The following THSD4 variants were observed in gnomAD, a reference collection of about 807,000 sequenced individuals.
THSD4 encodes thrombospondin type-1 domain-containing protein 4.
A neutral mutation model predicts 119.0 loss-of-function variants in THSD4; 69 were observed. The observed-to-expected ratio is 0.58, with a 90% confidence interval of 0.48 to 0.71. The LOEUF is 0.71. Ranked by LOEUF, THSD4 falls within the 30% of genes least tolerant of loss-of-function variation. The pLI, the probability that THSD4 is intolerant of heterozygous loss-of-function variation, is 0.00. For synonymous variants in THSD4, 524 were observed against 540.4 expected (o/e 0.97, Z 0.42); for missense variants, 1,393 against 1,391.1 (o/e 1.00, Z -0.02).
intron 3 of THSD4, among the ~76,000 whole-genome samples, chr15:71,206,620 G>A (rs552177592): frequency 2.6e-5 from 4 of 152,318 alleles, no homozygotes; most frequent in African/African-American, 7.2e-5. Flanking sequence ...TTTGTAGAAA[G>A]AGAATTAGAA....
intron 7 of THSD4, among the ~76,000 whole-genome samples, chr15:71,580,633 C>T (rs1352832168): frequency 6.6e-6 from 1 of 152,126 alleles, no homozygotes; most frequent in African/African-American, 2.4e-5. Flanking sequence ...ACCTCCACAT[C>T]TCTCCAACAT....
intron 4 of THSD4, among the ~76,000 whole-genome samples, chr15:71,239,482 A>G (rs1423886415): frequency 6.6e-6 from 1 of 152,148 alleles, no homozygotes; most frequent in Admixed American, 6.5e-5. Context: ...AGCTGGCCTC[A>G]GGGTCCATGT....
intron 8 of THSD4, among the ~76,000 whole-genome samples, chr15:71,710,596 C>T (rs2052491029): frequency 6.6e-6 from 1 of 152,192 alleles, no homozygotes; most frequent in Non-Finnish European, 1.5e-5. Context: ...AGACCCACCT[C>T]ATCTGGCTCA....
chr15:71,389,810 G>GTTTTTTTTTGTTT (rs2046349010), intron 6 of THSD4, among the ~76,000 whole-genome samples: 3 of 88,024 alleles, frequency 3.4e-5, no homozygotes, highest in Admixed American at 1.4e-4. Context: ...TTTCTGGGTT[G>GTTTTTTTTTGTTT]TTTTTTTTTT....
chr15:71,648,431 A>G (rs2051015423), intron 7 of THSD4, among the ~76,000 whole-genome samples: 1 of 152,156 alleles, frequency 6.6e-6, no homozygotes, highest in African/African-American at 2.4e-5. Flanking sequence ...TCTGTTTCTA[A>G]AATGAAAATA....
At chr15:71,190,870 C>A (rs893806611) in intron 3 of THSD4, among the ~76,000 whole-genome samples, 1 of 152,050 alleles carries the variant, frequency 6.6e-6, no homozygotes, top group African/African-American at 2.4e-5. Flanking sequence ...ACAGAGACTC[C>A]CCAACTCTCA....
chr15:71,599,861 C>T lies in THSD4; in HGVS notation c.1153-60669C>T, dbSNP rs115268078. ...AGCCGCATAAAGCCCCAATGTCTTC[C>T]CCACAATGCCCCCCAGTATGGGAAG... On this transcript the variant is annotated intron_variant, in intron 7 of 17. Coordinates refer to ENST00000261862, the MANE Select transcript of THSD4 (RefSeq NM_024817.3). Among the ~76,000 whole-genome samples, 1,179 of 152,276 alleles carry T rather than the reference C, an allele frequency of 7.7e-3. 16 individuals are homozygous for T. The highest frequency in any genetic ancestry group is 0.025 in the African/African-American group (1,038 of 41,550).
chr15:71,757,630 A>T, intron 14 of THSD4, among the ~76,000 whole-genome samples: 1 of 138,138 alleles, frequency 7.2e-6, no homozygotes, highest in Admixed American at 7.4e-5. Flanking sequence ...AAAGCTGGGA[A>T]GGATAGTCTA....
At chr15:71,396,177 TACAC>T (rs1214768333) in intron 6 of THSD4, among the ~76,000 whole-genome samples, 3 of 152,056 alleles carry the variant, frequency 2.0e-5, no homozygotes, top group East Asian at 1.9e-4. Flanking sequence ...TGTATATACA[TACAC>T]ACATATGCCC....
chr15:71,759,899 G>A (rs982949366), intron 15 of THSD4, among the ~76,000 whole-genome samples: 5 of 152,114 alleles, frequency 3.3e-5, no homozygotes, highest in African/African-American at 1.2e-4. Flanking sequence ...TTGTCCAAAA[G>A]GGTCAAGATA....
chr15:71,173,899 A>G (rs578114854), intron 3 of THSD4, among the ~76,000 whole-genome samples: 1 of 152,300 alleles, frequency 6.6e-6, no homozygotes, highest in South Asian at 2.1e-4. Flanking sequence ...TGCCAAGACC[A>G]TTCGATGGGA....
In THSD4 at chr15:71,737,968, C is replaced by T. The variant is rs749336790; in HGVS notation, c.1867C>T (p.Gln623Ter). 2.5e-6 allele frequency: 4 copies of T among 1,613,846 alleles called. No homozygotes were observed. In the South Asian group the frequency reaches 4.4e-5, roughly 18 times the overall value. ...GCGCAGCCGGGATCACAACTGGAAG[C>T]AGCTTGGGACAACAGAATGTTCCAC... ...PRRSRDHNWK[Q>*]LGTTECSTTC... The change falls in exon 11 of 18, where the codon CAG (glutamine) becomes TAG (stop). Residue 623 changes from glutamine (Q) to a stop codon, truncating the protein, a stop_gained. Coordinates refer to ENST00000261862, the MANE Select transcript of THSD4 (RefSeq NM_024817.3). LOFTEE classifies it high-confidence loss of function.
intron 1 of THSD4, among the ~76,000 whole-genome samples, chr15:71,108,120 T>C (rs1380059305): frequency 1.3e-5 from 2 of 152,192 alleles, no homozygotes; most frequent in Admixed American, 1.3e-4. Flanking sequence ...TAGGTGCAGC[T>C]CTTTACAATG....
chr15:71,528,550 TC>T (rs1422910918), intron 7 of THSD4, among the ~76,000 whole-genome samples: 1 of 152,176 alleles, frequency 6.6e-6, no homozygotes, highest in East Asian at 1.9e-4. Flanking sequence ...ATAAAATTTC[TC>T]CCCCGTGGTT....
chr15:71,207,908 T>A (rs564150856), intron 3 of THSD4, among the ~76,000 whole-genome samples: 1 of 152,298 alleles, frequency 6.6e-6, no homozygotes, highest in African/African-American at 2.4e-5. Context: ...CATTTAGGGT[T>A]CTTTACTGCA....
chr15:71,748,566 G>A lies in THSD4; in HGVS notation c.2387G>A (p.Ser796Asn). Residue 796 changes from serine to asparagine, a missense_variant, in exon 14 of 18, where the codon AGC becomes AAC. By Grantham distance (46) the Ser-to-Asn change is conservative (BLOSUM62 1). Transcript: ENST00000261862. ...TGCGACATGGGACCCTGTGCCAAGA[G>A]CTGGTTCCTCACCGAGTGGAGCGAA... Reference protein sequence around the residue: ...ENCDMGPCAKSWFLTEWSERC... With the variant: ...ENCDMGPCAKNWFLTEWSERC... The A allele has an allele frequency of 1.9e-6, 3 of 1,614,222 alleles. No homozygotes were observed. Among genetic ancestry groups the A allele is most frequent in the Non-Finnish European group, 2.5e-6 (3 of 1,180,046 alleles).
intron 10 of THSD4, chr15:71,732,686 A>G (rs2053004298): frequency 6.6e-6 from 1 of 152,152 alleles, no homozygotes; most frequent in Non-Finnish European, 1.5e-5. Flanking sequence ...AGAGTAAGGA[A>G]ATGGAAGCTT....
chr15:71,556,178 T>C (rs2049013044), intron 7 of THSD4, among the ~76,000 whole-genome samples: 1 of 152,218 alleles, frequency 6.6e-6, no homozygotes, highest in Admixed American at 6.5e-5. Context: ...TGAAAAATCA[T>C]TTAAGAATTT....
In THSD4 at chr15:71,215,110, T is replaced by C; in HGVS notation, c.175T>C (p.Trp59Arg). 7.5e-7 allele frequency: 1 copy of C among 1,341,662 alleles called. No individual in the cohort carries two copies. The highest frequency in any genetic ancestry group is 2.0e-5 in the South Asian group (1 of 51,150). 83.1% of individuals were successfully genotyped at this position (1,341,662 alleles called of 1,614,324 possible). ...CGGCGCCCCGGGAGTGTGGGGCGCC[T>C]GGGGCCCCTGGTCGGCCTGCTCGCG... ...GGGAPGVWGA[W>R]GPWSACSRSC... The change falls in exon 4 of 18, where the codon TGG (tryptophan) becomes CGG (arginine). Residue 59 changes from tryptophan to arginine, a missense_variant. Trp to Arg is a moderately radical substitution (Grantham distance 101, BLOSUM62 -3). Transcript: ENST00000261862.
Sources: gnomAD v4.1 joint callset for allele counts (sites outside exome capture counted in the v4.1 genomes callset) on GRCh38, gnomAD v4.1.1 for gene constraint, MANE v1.5 for transcripts, NCBI Gene and HGNC (gene_info 2026-07-23, HGNC 2026-07-21) for gene names.